The following GABRA3 variants were observed in gnomAD, a reference collection of about 807,000 sequenced individuals.
GABRA3 encodes gamma-aminobutyric acid type A receptor subunit alpha3.
A neutral mutation model predicts 30.1 loss-of-function variants in GABRA3; 10 were observed. The observed-to-expected ratio is 0.33, with a 90% CI of 0.20 to 0.56. The LOEUF is 0.56. Ranked by LOEUF, GABRA3 falls within the 20% of genes least tolerant of loss-of-function variation. The pLI, the probability that GABRA3 is intolerant of heterozygous loss-of-function variation, is 0.89. For synonymous variants in GABRA3, 151 were observed against 146.8 expected (o/e 1.03, Z -0.21); for missense variants, 233 against 392.0 (o/e 0.59, Z 3.42).
intron 4 of GABRA3, among the ~76,000 whole-genome samples, chrX:152,267,721 T>C (rs1420645010): frequency 8.9e-6 from 1 of 111,736 alleles, no homozygotes; most frequent in African/African-American, 3.2e-5. Context: ...TCTTTCTTCA[T>C]GGTTTAGTCT....
chrX:152,286,388 T>A (rs1185623575), intron 3 of GABRA3, among the ~76,000 whole-genome samples: 2 of 109,407 alleles, frequency 1.8e-5, no homozygotes, highest in Admixed American at 9.9e-5. Context: ...ACCAGACACC[T>A]CAAGATTACA....
chrX:152,359,013 A>C (rs930555562), intron 2 of GABRA3, among the ~76,000 whole-genome samples: 1 of 111,519 alleles, frequency 9.0e-6, no homozygotes, highest in Non-Finnish European at 1.9e-5. Flanking sequence ...GATATAGGCC[A>C]CAAGTTTTCT....
chrX:152,333,433 G>A (rs1011837305), intron 3 of GABRA3, among the ~76,000 whole-genome samples: 4 of 111,592 alleles, frequency 3.6e-5, no homozygotes, highest in Admixed American at 9.6e-5. Context: ...ACAAAACAAG[G>A]ATAGCTGCTA....
intron 4 of GABRA3, among the ~76,000 whole-genome samples, chrX:152,276,391 T>C (rs1433795787): frequency 1.8e-5 from 2 of 111,905 alleles, no homozygotes. Flanking sequence ...TGCAGAGAAA[T>C]TGAGCTCTCA....
intron 9 of GABRA3, 22 bp from the exon 10 acceptor site, chrX:152,168,585 G>A (rs750406413): frequency 8.1e-6 from 9 of 1,117,643 alleles, no homozygotes; most frequent in Admixed American, 6.8e-5. Flanking sequence ...GAAAAAGAGG[G>A]GGGGAAAGGG....
At chrX:152,359,377 T>C (rs1444437145) in intron 2 of GABRA3, among the ~76,000 whole-genome samples, 2 of 111,377 alleles carry the variant, frequency 1.8e-5, no homozygotes, top group Non-Finnish European at 3.8e-5. Context: ...GAGGGTTTTC[T>C]GTATTTCTCT....
At chrX:152,228,731 A>G (rs941639037) in intron 5 of GABRA3, among the ~76,000 whole-genome samples, 36 of 111,394 alleles carry the variant, frequency 3.2e-4, no homozygotes, top group African/African-American at 1.1e-3. Context: ...ATTGCAGGCT[A>G]GCTTCAGAAT....
At chrX:152,437,564 G>A (rs999367966) in intron 1 of GABRA3, among the ~76,000 whole-genome samples, 1 of 111,480 alleles carries the variant, frequency 9.0e-6, no homozygotes, top group Admixed American at 9.6e-5. Flanking sequence ...AAAAGACCCA[G>A]AATAGTAAAC....
chrX:152,224,634 A>C, intron 6 of GABRA3, 129 bp downstream of exon 6: 1 of 430,884 alleles, frequency 2.3e-6, no homozygotes, highest in South Asian at 5.8e-5. Flanking sequence ...TCTCTGACCC[A>C]CCCTGATACC....
At chrX:152,349,484 T>C (rs940541312) in intron 2 of GABRA3, among the ~76,000 whole-genome samples, 10 of 108,527 alleles carry the variant, frequency 9.2e-5, no homozygotes, top group Non-Finnish European at 1.1e-4. Context: ...ATGGACTAAG[T>C]GCTCCAATTA....
chrX:152,413,193 C>T (rs1409993374), intron 1 of GABRA3, among the ~76,000 whole-genome samples: 1 of 109,654 alleles, frequency 9.1e-6, no homozygotes, highest in Non-Finnish European at 1.9e-5. Flanking sequence ...AGAATGAAAT[C>T]CCAGACCAGA....
chrX:152,224,730 A>G (rs755017403), intron 6 of GABRA3, 33 bp downstream of exon 6: 1 of 1,034,227 alleles, frequency 9.7e-7, no homozygotes, highest in African/African-American at 1.9e-5. Flanking sequence ...CAGGCAAAAA[A>G]AAAAGACAGA....
chrX:152,244,134 C>G (rs1048962497), intron 5 of GABRA3, among the ~76,000 whole-genome samples: 2 of 111,812 alleles, frequency 1.8e-5, no homozygotes, highest in African/African-American at 6.5e-5. Context: ...GATATTTTTG[C>G]TGGTACATAT....
chrX:152,431,760 A>T (rs1212438889), intron 1 of GABRA3, among the ~76,000 whole-genome samples: 1 of 111,740 alleles, frequency 8.9e-6, no homozygotes, highest in Admixed American at 9.5e-5. Flanking sequence ...TCAGAGTGAT[A>T]CGATGTGAAA....
intron 3 of GABRA3, among the ~76,000 whole-genome samples, chrX:152,295,621 G>C (rs950136788): frequency 3.5e-5 from 4 of 112,832 alleles, no homozygotes; most frequent in Non-Finnish European, 7.5e-5. Context: ...CCTTGGCTTG[G>C]AAGGGGAAAT....
At chrX:152,432,965 TGAA>T (rs1161007891) in intron 1 of GABRA3, among the ~76,000 whole-genome samples, 12 of 110,157 alleles carry the variant, frequency 1.1e-4, no homozygotes, top group Non-Finnish European at 2.1e-4. Context: ...CCAAAAAAGA[TGAA>T]GGAGAGAAAA....
intron 1 of GABRA3, among the ~76,000 whole-genome samples, chrX:152,417,972 A>G (rs1019191546): frequency 2.8e-5 from 3 of 105,688 alleles, no homozygotes; most frequent in African/African-American, 3.4e-5. Context: ...ACATGTATAC[A>G]TATGTAACTA....
intron 3 of GABRA3, among the ~76,000 whole-genome samples, chrX:152,327,314 T>C: frequency 9.0e-6 from 1 of 110,753 alleles, no homozygotes; most frequent in Non-Finnish European, 1.9e-5. Flanking sequence ...TTAACAAGGA[T>C]ATCCAGGAAT....
chrX:152,275,211 ATAT>A (rs1254438511), intron 4 of GABRA3, among the ~76,000 whole-genome samples: 38 of 58,682 alleles, frequency 6.5e-4, no homozygotes, highest in Admixed American at 1.1e-3. Flanking sequence ...TATATATATA[ATAT>A]TATATATATA....
Sources: gnomAD v4.1 joint callset for allele counts (sites outside exome capture counted in the v4.1 genomes callset) on GRCh38, gnomAD v4.1.1 for gene constraint, MANE v1.5 for transcripts, NCBI Gene and HGNC (gene_info 2026-07-23, HGNC 2026-07-21) for gene names.